The following GALNT13 variants were observed in gnomAD, a reference collection of about 807,000 sequenced individuals.
GALNT13 encodes the protein UDP-GalNAc:polypeptide N-acetylgalactosaminyltransferase 13.
GALNT13 carries 28 observed loss-of-function variants against 64.2 expected under a neutral mutation model. The observed-to-expected ratio is 0.44, with a 90% CI of 0.32 to 0.60. GALNT13 has a LOEUF of 0.60. Among genes scored for constraint, GALNT13 ranks in the 20% least tolerant of loss-of-function variants. The pLI is 0.05. For missense variants in GALNT13, 577 were observed against 669.8 expected (o/e 0.86, Z 1.53); for synonymous variants, 214 against 224.6 (o/e 0.95, Z 0.42).
intron 10 of GALNT13, among the ~76,000 whole-genome samples, 196 bp from the exon 11 acceptor site, chr2:154,408,788 A>G (rs1428876151): frequency 2.0e-5 from 3 of 152,044 alleles, no homozygotes; most frequent in African/African-American, 7.2e-5. Context: ...CTTCAGGAGG[A>G]GTTTAGAAAT....
chr2:153,516,736 C>G, the GALNT13 span, among the ~76,000 whole-genome samples: 6 of 151,910 alleles, frequency 3.9e-5, no homozygotes, highest in Admixed American at 3.9e-4. Context: ...TTTTGTTTGA[C>G]AAATAGTTAA....
chr2:153,522,693 C>T, the GALNT13 span, among the ~76,000 whole-genome samples: 8 of 151,966 alleles, frequency 5.3e-5, no homozygotes, highest in Admixed American at 6.6e-5. Flanking sequence ...TATTTGGCCC[C>T]CTTTTTAATT....
chr2:153,528,144 T>TA, the GALNT13 span, among the ~76,000 whole-genome samples: 1 of 151,658 alleles, frequency 6.6e-6, no homozygotes, highest in Non-Finnish European at 1.5e-5. Context: ...TTGACTTCAT[T>TA]AAAAAAACAA....
chr2:153,465,534 A>G, the GALNT13 span, among the ~76,000 whole-genome samples: 1 of 151,528 alleles, frequency 6.6e-6, no homozygotes, highest in Non-Finnish European at 1.5e-5. Context: ...CCTTTTACTC[A>G]TATAGTAAGG....
chr2:153,688,485 T>A, the GALNT13 span, among the ~76,000 whole-genome samples: 1 of 151,996 alleles, frequency 6.6e-6, no homozygotes. Context: ...AGTACACACA[T>A]CATTAGTATA....
At chr2:153,118,407 G>A in the GALNT13 span, among the ~76,000 whole-genome samples, 1 of 152,120 alleles carries the variant, frequency 6.6e-6, no homozygotes, top group African/African-American at 2.4e-5. Flanking sequence ...AACACCAACT[G>A]CAAGGGCAAA....
chr2:153,815,000 ATAT>A, the GALNT13 span, among the ~76,000 whole-genome samples: 1 of 152,138 alleles, frequency 6.6e-6, no homozygotes, highest in Non-Finnish European at 1.5e-5. Context: ...CCCCCTGTAA[ATAT>A]TATTATTTCC....
the GALNT13 span, among the ~76,000 whole-genome samples, chr2:153,727,087 G>A: frequency 0.66 from 100,503 of 151,968 alleles, 34,128 homozygotes; most frequent in Non-Finnish European, 0.75. Context: ...ATTGAAACCT[G>A]TAAAACATTA....
the GALNT13 span, among the ~76,000 whole-genome samples, chr2:153,715,302 T>G: frequency 6.6e-6 from 1 of 152,258 alleles, no homozygotes; most frequent in South Asian, 2.1e-4. Context: ...GATCTGGGAA[T>G]GAAGTCTAGA....
the GALNT13 span, among the ~76,000 whole-genome samples, chr2:153,157,761 A>C: frequency 6.6e-6 from 1 of 152,198 alleles, no homozygotes; most frequent in Non-Finnish European, 1.5e-5. Context: ...AATAACTAGG[A>C]ATTACATATT....
the GALNT13 span, among the ~76,000 whole-genome samples, chr2:153,545,215 C>T: frequency 3.3e-5 from 5 of 152,230 alleles, no homozygotes; most frequent in African/African-American, 1.2e-4. Context: ...TGTTAAGCTC[C>T]TGCTCAGCCA....
chr2:153,084,210 G>T, the GALNT13 span, among the ~76,000 whole-genome samples: 1 of 152,092 alleles, frequency 6.6e-6, no homozygotes, highest in African/African-American at 2.4e-5. Context: ...TCTTGTTTTG[G>T]CTATGTGGGT....
At chr2:153,810,540 C>T in the GALNT13 span, among the ~76,000 whole-genome samples, 2 of 152,048 alleles carry the variant, frequency 1.3e-5, no homozygotes, top group South Asian at 4.1e-4. Flanking sequence ...TGTTATTTTA[C>T]AATTGTACCC....
At chr2:153,345,743 T>G in the GALNT13 span, among the ~76,000 whole-genome samples, 1 of 144,666 alleles carries the variant, frequency 6.9e-6, no homozygotes, top group Non-Finnish European at 1.5e-5. Context: ...CCTTCCTTCC[T>G]TCCTTCCTTC....
chr2:153,567,051 G>C, the GALNT13 span, among the ~76,000 whole-genome samples: 2 of 151,994 alleles, frequency 1.3e-5, no homozygotes, highest in Non-Finnish European at 2.9e-5. Context: ...TCTTCTTATT[G>C]GTTGACTCTT....
At chr2:153,268,937 A>G in the GALNT13 span, among the ~76,000 whole-genome samples, 1 of 152,220 alleles carries the variant, frequency 6.6e-6, no homozygotes, top group Non-Finnish European at 1.5e-5. Flanking sequence ...CAGGACCGTA[A>G]GCTAGACACA....
intron 3 of GALNT13, among the ~76,000 whole-genome samples, chr2:153,998,731 T>G (rs966305159): frequency 6.6e-6 from 1 of 152,178 alleles, no homozygotes; most frequent in African/African-American, 2.4e-5. Flanking sequence ...ATGTCCTGAA[T>G]GGTATTGCCT....
intron 1 of GALNT13, among the ~76,000 whole-genome samples, chr2:153,873,622 A>G (rs938263499): frequency 2.6e-4 from 40 of 152,288 alleles, no homozygotes; most frequent in African/African-American, 8.4e-4. Flanking sequence ...TTAAACTACC[A>G]TGCATTCATT....
the GALNT13 span, among the ~76,000 whole-genome samples, chr2:153,687,067 A>G: frequency 6.6e-6 from 1 of 151,904 alleles, no homozygotes; most frequent in African/African-American, 2.4e-5. Flanking sequence ...GATTTTTTAC[A>G]TTGAAGTTTA....
Sources: gnomAD v4.1 joint callset for allele counts (sites outside exome capture counted in the v4.1 genomes callset) on GRCh38, gnomAD v4.1.1 for gene constraint, MANE v1.5 for transcripts, NCBI Gene and HGNC (gene_info 2026-07-23, HGNC 2026-07-21) for gene names.